TTLL7: variants seen among roughly 807,000 people sequenced by gnomAD.
TTLL7 encodes tubulin polyglutamylase TTLL7.
TTLL7 carries 53 observed loss-of-function variants against 120.2 expected under a neutral mutation model. The ratio of observed to expected loss-of-function variants is 0.44; its 90% CI spans 0.35 to 0.55. TTLL7 has a LOEUF of 0.55. TTLL7 is among the 20% of genes least tolerant of loss of function. The pLI, the probability that TTLL7 is intolerant of heterozygous loss-of-function variation, is 0.00. For synonymous variants in TTLL7, 353 were observed against 351.7 expected (o/e 1.00, Z -0.04); for missense variants, 803 against 1,054.7 (o/e 0.76, Z 3.31).
At position 83,992,530 on chromosome 1, in the gene TTLL7, T is replaced by C. The variant is rs1442824174; in HGVS notation, c.-177+6401A>G. On this transcript the variant is annotated intron_variant, in intron 1 of 20. Coordinates refer to ENST00000260505, the MANE Select transcript of TTLL7 (RefSeq NM_024686.6). ...AAATACTAGCATCTACTGTCAAAAT[T>C]AGTATCTAAAACAGGCAGCTATAGA... Among the ~76,000 whole-genome samples the C allele has an allele frequency of 2.6e-5, 4 of 152,182 alleles. No individual in the cohort carries two copies. The East Asian group carries it at 7.7e-4, about 29-fold the overall frequency.
In TTLL7 at chr1:83,890,453, C is replaced by T. The variant is rs1192396410; in HGVS notation, c.2237G>A (p.Arg746His). ...CTTCCAGATGCGTGGAAGAACTGTA[C>T]GAATACTTGTTTTCACTATGTCCAA... ...KVLDIVKTSI[R>H]TVLPRIWKVP... Residue 746 changes from arginine (R) to histidine (H), a missense_variant, in exon 19 of 21, where the codon CGT (arginine) becomes CAT (histidine). By Grantham distance (29) the Arg-to-His change is conservative (BLOSUM62 0). Coordinates refer to ENST00000260505, the MANE Select transcript of TTLL7 (RefSeq NM_024686.6). The T allele has an allele frequency of 3.7e-6, 6 of 1,612,246 alleles. 1 individual carries two copies. The highest frequency in any genetic ancestry group is 2.2e-5 in the South Asian group (2 of 90,878).
intron 19 of TTLL7, among the ~76,000 whole-genome samples, chr1:83,886,351 A>G (rs12758441): frequency 0.43 from 65,750 of 151,706 alleles, 15,607 homozygotes; most frequent in Non-Finnish European, 0.54. Context: ...CAAACAGAAA[A>G]CACCCTTGTC....
At chr1:83,967,461 G>A (rs1261232379) in intron 1 of TTLL7, among the ~76,000 whole-genome samples, 1 of 152,070 alleles carries the variant, frequency 6.6e-6, no homozygotes, top group East Asian at 1.9e-4. Context: ...TGACTGGGAA[G>A]GATTAGCTCA....
rs1253725887 is a variant in TTLL7, at chr1:83,957,147, T to C, written c.-176-4760A>G. On this transcript the variant is annotated intron_variant, in intron 1 of 20. Coordinates refer to ENST00000260505, the MANE Select transcript of TTLL7 (RefSeq NM_024686.6). ...TAGGCTGCAAAAGTAAAAGATTTAT[T>C]CTTTCCACCCCTAAAGTCTAAAATG... is the stretch of plus-strand genomic sequence containing the variant. 3.3e-5 allele frequency among the ~76,000 whole-genome samples: 5 copies of C among 152,178 alleles called. No homozygotes were observed. In the East Asian group the frequency reaches 9.6e-4, roughly 29 times the overall value.
At chr1:83,921,870 T>C (rs1436511558) in intron 10 of TTLL7, among the ~76,000 whole-genome samples, 1 of 152,174 alleles carries the variant, frequency 6.6e-6, no homozygotes, top group Non-Finnish European at 1.5e-5. Flanking sequence ...CACTCTTTAA[T>C]ACATTTTCAT....
intron 1 of TTLL7, among the ~76,000 whole-genome samples, chr1:83,967,021 T>C (rs1650524243): frequency 6.6e-6 from 1 of 152,268 alleles, no homozygotes; most frequent in Non-Finnish European, 1.5e-5. Flanking sequence ...TTAATGAATT[T>C]ATTTTACTTA....
intron 20 of TTLL7, among the ~76,000 whole-genome samples, chr1:83,879,409 C>T (rs1470213279): frequency 6.6e-6 from 1 of 151,944 alleles, no homozygotes; most frequent in Non-Finnish European, 1.5e-5. Flanking sequence ...AGGAAACAGG[C>T]ATGCTTGGCT....
chr1:83,960,535 A>T (rs746854457), intron 1 of TTLL7, among the ~76,000 whole-genome samples: 39 of 152,274 alleles, frequency 2.6e-4, no homozygotes, highest in Middle Eastern at 3.4e-3. Flanking sequence ...GGCACAATTC[A>T]TCAAGAGAAG....
chr1:83,921,505 T>C (rs1039803864), intron 10 of TTLL7, 111 bp from the exon 11 acceptor site: 10 of 1,143,684 alleles, frequency 8.7e-6, no homozygotes, highest in Non-Finnish European at 1.2e-5. Context: ...AATCAATGTT[T>C]ATTAAACTTA....
intron 19 of TTLL7, among the ~76,000 whole-genome samples, chr1:83,884,355 C>T (rs1034885297): frequency 6.6e-6 from 1 of 151,802 alleles, no homozygotes; most frequent in African/African-American, 2.4e-5. Context: ...CAATGGGAAA[C>T]ACAAAGACTC....
At chr1:83,966,899 C>T (rs1650508002) in intron 1 of TTLL7, among the ~76,000 whole-genome samples, 1 of 152,062 alleles carries the variant, frequency 6.6e-6, no homozygotes, top group Non-Finnish European at 1.5e-5. Context: ...GTGGCATCAA[C>T]TCTTGATGGC....
intron 10 of TTLL7, among the ~76,000 whole-genome samples, chr1:83,922,359 C>T (rs1658747409): frequency 6.6e-6 from 1 of 152,078 alleles, no homozygotes; most frequent in South Asian, 2.1e-4. Context: ...GCTTCTAGTG[C>T]AGAGGTAAGA....
chr1:83,929,056 A>G, intron 10 of TTLL7, 80 bp downstream of exon 10: 1 of 785,660 alleles, frequency 1.3e-6, no homozygotes, highest in South Asian at 2.8e-5. Flanking sequence ...TACTATTCTG[A>G]AAAGCCAATT....
intron 1 of TTLL7, among the ~76,000 whole-genome samples, chr1:83,984,687 C>T (rs57443421): frequency 0.081 from 12,362 of 152,180 alleles, 677 homozygotes; most frequent in Middle Eastern, 0.15. Context: ...AAACCAAATA[C>T]TGCATGTTCT....
chr1:83,891,135 AT>A (rs1655428245), intron 18 of TTLL7, among the ~76,000 whole-genome samples: 2 of 152,094 alleles, frequency 1.3e-5, no homozygotes, highest in Non-Finnish European at 2.9e-5. Flanking sequence ...TTATATAAAA[AT>A]TAAGAACTTC....
chr1:83,904,177 C>T lies in TTLL7; in HGVS notation c.2128-18G>A. 1 of 1,596,220 alleles carries T rather than the reference C, an allele frequency of 6.3e-7. No homozygotes were observed. On this transcript the variant is annotated intron_variant, in intron 17 of 20. Coordinates refer to ENST00000260505, the MANE Select transcript of TTLL7 (RefSeq NM_024686.6). The stretch of plus-strand genomic sequence containing the variant: ...TCAATGATCTGTTTGGAAGGAGGAA[C>T]ATTAAGAAATTTACAGGTTGAAACC...
chr1:83,878,527 C>T (rs1313673298), intron 20 of TTLL7, among the ~76,000 whole-genome samples: 6 of 151,900 alleles, frequency 3.9e-5, no homozygotes. Flanking sequence ...CCCCTAGGCC[C>T]ACACAACTGT....
Position 83,949,549 on chromosome 1 carries a change from A to G in TTLL7, c.279+316T>C. ...ACTATGTTGGCCAGGGAAGGTCTCA[A>G]TCTCTTGACCTCGTGATCCACCCGC... On this transcript the variant is annotated intron_variant, in intron 4 of 20. Coordinates refer to ENST00000260505, the MANE Select transcript of TTLL7 (RefSeq NM_024686.6). The G allele has an allele frequency of 1.2e-5, 3 of 257,766 alleles. No individual in the cohort carries two copies. In the South Asian group the frequency reaches 1.6e-4, roughly 13 times the overall value. The allele number at this position is 257,766 out of a possible 1,614,324, so 16.0% of individuals were successfully genotyped here. A position where few individuals can be genotyped will look rare whatever the true frequency, so the allele number is the denominator to read the frequency against.
At chr1:83,925,432 A>G (rs1659032620) in intron 10 of TTLL7, among the ~76,000 whole-genome samples, 1 of 152,166 alleles carries the variant, frequency 6.6e-6, no homozygotes, top group African/African-American at 2.4e-5. Context: ...CTCGGAATAA[A>G]TGGTTGTTGA....
Sources: allele counts gnomAD v4.1 joint callset (sites outside exome capture counted in the v4.1 genomes callset), GRCh38; gene constraint gnomAD v4.1.1; transcripts MANE v1.5; gene names NCBI Gene and HGNC (gene_info 2026-07-23, HGNC 2026-07-21).